GSDMA: variants seen among roughly 807,000 people sequenced by gnomAD.
The protein encoded by GSDMA is gasdermin A.
In GSDMA, 55 loss-of-function variants were observed where a neutral mutation model predicts 54.3. That is an observed-to-expected ratio of 1.01 (90% CI 0.82 to 1.27). The LOEUF is 1.27. GSDMA is among the 50% of genes most tolerant of loss of function. The pLI is 0.00. For missense variants in GSDMA, 542 were observed against 542.6 expected (o/e 1.00, Z 0.01); for synonymous variants, 211 against 224.7 (o/e 0.94, Z 0.54).
At position 39,975,022 on chromosome 17, in the gene GSDMA, G is replaced by C. The variant is rs965209795; in HGVS notation, c.1021+8G>C. On this transcript the variant is annotated splice_region_variant and intron_variant, in intron 10 of 11. Transcript: ENST00000301659. Reference sequence around the variant, plus strand: ...TCGTTGGAGCCCTAACAGGTAAGTGGGGAATAAGGTCTTCATTTATAGACC... The same window carrying C: ...TCGTTGGAGCCCTAACAGGTAAGTGCGGAATAAGGTCTTCATTTATAGACC... 2 of 1,513,230 alleles carry C rather than the reference G, an allele frequency of 1.3e-6. No homozygotes were observed. The highest frequency in any genetic ancestry group is 2.7e-5 in the African/African-American group (2 of 73,074). The allele number at this position is 1,513,230 out of a possible 1,614,324, so 93.7% of individuals were successfully genotyped here.
At chr17:39,965,638 C>A (rs773375074) in intron 1 of GSDMA, 45 bp from the exon 2 acceptor site, 5 of 1,492,590 alleles carry the variant, frequency 3.3e-6, no homozygotes, top group Non-Finnish European at 1.8e-6. Flanking sequence ...TCCTTGGCAG[C>A]CTTGGCAGCC....
intron 1 of GSDMA, among the ~76,000 whole-genome samples, chr17:39,963,894 G>A (rs879315984): frequency 3.9e-5 from 6 of 152,100 alleles, no homozygotes; most frequent in Admixed American, 3.9e-4. Context: ...GTTCCCATGG[G>A]CCCCACATTC....
chr17:39,977,159 CATCTGAA>C lies in GSDMA; in HGVS notation c.*106_*112del. 1 of 1,379,012 alleles carries C rather than the reference CATCTGAA, an allele frequency of 7.3e-7. No individual in the cohort carries two copies. The allele number at this position is 1,379,012 out of a possible 1,614,324, so 85.4% of individuals were successfully genotyped here. A position where few individuals can be genotyped will look rare whatever the true frequency, so the allele number is the denominator to read the frequency against. ...GCATTTCAGAGCCATCAGCTGAAGA[CATCTGAA>C]ATCTCAGCTGGTCACCCATGATAAC... is the stretch of plus-strand genomic sequence containing the variant. On this transcript the variant is annotated 3_prime_UTR_variant, in exon 12 of 12. Coordinates refer to ENST00000301659, the MANE Select transcript of GSDMA (RefSeq NM_178171.5).
At chr17:39,965,216 G>C (rs1979581176) in intron 1 of GSDMA, among the ~76,000 whole-genome samples, 2 of 126,018 alleles carry the variant, frequency 1.6e-5, no homozygotes, top group Admixed American at 1.8e-4. Context: ...GAAAGAAAGA[G>C]GAAAGAAAGA....
chr17:39,965,262 GAAA>G (rs1451841962), intron 1 of GSDMA, among the ~76,000 whole-genome samples: 5 of 114,522 alleles, frequency 4.4e-5, no homozygotes, highest in African/African-American at 1.3e-4. Context: ...GGGAGGGAGA[GAAA>G]GAAAGAAGGA....
chr17:39,976,881 G>A lies in GSDMA; in HGVS notation c.1161G>A (p.Glu387=). 6.2e-7 allele frequency: 1 copy of A among 1,613,934 alleles called. No individual in the cohort carries two copies. The highest frequency in any genetic ancestry group is 8.5e-7 in the Non-Finnish European group (1 of 1,179,886). The change falls in exon 12 of 12, where the codon GAG becomes GAA. Residue 387 remains glutamate (E), a synonymous_variant. Transcript: ENST00000301659. ...AGGGTGTTTTCCCCCTGCAACCTGA[G>A]CTGCTCTCCTCCCTTGGGGACGAGG... ...DKEGVFPLQP[E]LLSSLGDEEL...
At position 39,966,459 on chromosome 17, in the gene GSDMA, G is replaced by A. The variant is rs367752262; in HGVS notation, c.392+22G>A. The stretch of plus-strand genomic sequence containing the variant: ...AGAGGTGAGAGTGGGCGGGACTGAG[G>A]GTCTCCCGGGATGTGGGTGGGGCAG... On this transcript the variant is annotated intron_variant, in intron 3 of 11. Transcript: ENST00000301659. 2.5e-6 allele frequency: 4 copies of A among 1,569,892 alleles called. No individual in the cohort carries two copies. The African/African-American group carries it at 4.1e-5, about 16-fold the overall frequency.
chr17:39,977,698 C>A lies in GSDMA; in HGVS notation c.*640C>A, dbSNP rs1463493706. 1 of 152,264 alleles carries A rather than the reference C, an allele frequency of 6.6e-6. No individual in the cohort carries two copies. The highest frequency in any genetic ancestry group is 1.5e-5 in the Non-Finnish European group (1 of 68,024). The allele number at this position is 152,264 out of a possible 1,614,324, so 9.4% of individuals were successfully genotyped here. A position where few individuals can be genotyped will look rare whatever the true frequency, so the allele number is the denominator to read the frequency against. ...ATTAATTAATTTCCTATCCTAATCCCTCCTACTTATACTTCCCCAAAAAAC... is the reference window on the plus strand; with the variant it reads ...ATTAATTAATTTCCTATCCTAATCCATCCTACTTATACTTCCCCAAAAAAC... On this transcript the variant is annotated 3_prime_UTR_variant, in exon 12 of 12. Transcript: ENST00000301659.
intron 1 of GSDMA, among the ~76,000 whole-genome samples, chr17:39,964,879 C>A (rs183733409): frequency 6.6e-6 from 1 of 152,236 alleles, no homozygotes; most frequent in East Asian, 1.9e-4. Flanking sequence ...GTAATCCCAG[C>A]ACTTCGGGAG....
chr17:39,975,460 A>AT, intron 10 of GSDMA, among the ~76,000 whole-genome samples: 1 of 151,234 alleles, frequency 6.6e-6, no homozygotes, highest in East Asian at 1.9e-4. Flanking sequence ...AAAAAAAAAA[A>AT]TTGGTTTCAT....
At chr17:39,974,575 G>A in intron 9 of GSDMA, 148 bp downstream of exon 9, 1 of 871,812 alleles carries the variant, frequency 1.1e-6, no homozygotes, top group African/African-American at 1.7e-5. Context: ...CTTCCCCAAG[G>A]CTGGCCACGT....
At chr17:39,976,569 C>T (rs34684874) in intron 11 of GSDMA, among the ~76,000 whole-genome samples, 6,233 of 152,208 alleles carry the variant, frequency 0.041, 437 homozygotes, top group African/African-American at 0.14. Context: ...TGAGCCACCT[C>T]GCCTGGCCTG....
chr17:39,972,537 AG>A, intron 6 of GSDMA, 49 bp from the exon 7 acceptor site: 1 of 1,591,846 alleles, frequency 6.3e-7, no homozygotes, highest in Non-Finnish European at 8.6e-7. Context: ...TTAGATGAAA[AG>A]GCAAAAATGG....
At chr17:39,965,462 T>C in intron 1 of GSDMA, 1 of 552,028 alleles carries the variant, frequency 1.8e-6, no homozygotes, top group South Asian at 2.3e-5. Context: ...TGTGGGACTT[T>C]GGGGCAACTC....
At chr17:39,967,842 T>TTTTA (rs533072545) in intron 3 of GSDMA, among the ~76,000 whole-genome samples, 1 of 151,576 alleles carries the variant, frequency 6.6e-6, no homozygotes, top group Non-Finnish European at 1.5e-5. Context: ...CCGGATAATT[T>TTTTA]TTTATTTATT....
At chr17:39,971,922 A>G (rs986485184) in intron 5 of GSDMA, among the ~76,000 whole-genome samples, 1 of 133,384 alleles carries the variant, frequency 7.5e-6, no homozygotes, top group African/African-American at 2.6e-5. Flanking sequence ...ACTGGAATGG[A>G]TGATAGAAAG....
chr17:39,966,235 C>T (rs759282306), intron 2 of GSDMA, 25 bp from the exon 3 acceptor site: 52 of 1,613,034 alleles, frequency 3.2e-5, no homozygotes. Flanking sequence ...CCAGCCCAGC[C>T]CCTTTTGTCT....
At chr17:39,973,365 G>A (rs1033786827) in intron 7 of GSDMA, among the ~76,000 whole-genome samples, 2 of 151,448 alleles carry the variant, frequency 1.3e-5, no homozygotes, top group African/African-American at 4.9e-5. Flanking sequence ...TGCCTCCCAG[G>A]TTCAAGCAAT....
chr17:39,977,309 T>G lies in GSDMA; in HGVS notation c.*251T>G. ...TTTCTTTTCTTTTTTTTTTTTTTTT[T>G]GAGATGGAGGCTCACTCTGTCACCC... is the stretch of plus-strand genomic sequence containing the variant. On this transcript the variant is annotated 3_prime_UTR_variant, in exon 12 of 12. Coordinates refer to ENST00000301659, the MANE Select transcript of GSDMA (RefSeq NM_178171.5). 2.7e-6 allele frequency: 1 copy of G among 375,840 alleles called. No individual in the cohort carries two copies. The highest frequency in any genetic ancestry group is 4.7e-6 in the Non-Finnish European group (1 of 210,900). 23.3% of individuals were successfully genotyped at this position (375,840 alleles called of 1,614,324 possible).
Sources: allele counts gnomAD v4.1 joint callset (sites outside exome capture counted in the v4.1 genomes callset), GRCh38; gene constraint gnomAD v4.1.1; transcripts MANE v1.5; gene names NCBI Gene and HGNC (gene_info 2026-07-23, HGNC 2026-07-21).